The following ROBO2 variants were observed in gnomAD, a reference collection of about 807,000 sequenced individuals.
ROBO2 encodes the protein roundabout guidance receptor 2.
Under a neutral mutation model 160.8 loss-of-function variants are expected in ROBO2, and 53 were observed. That is an observed-to-expected ratio of 0.33 (90% CI 0.26 to 0.41). The LOEUF (loss-of-function observed/expected upper bound fraction) is 0.41. ROBO2 is among the 10% of genes least tolerant of loss of function. The pLI, the probability that ROBO2 is intolerant of heterozygous loss-of-function variation, is 1.00. For synonymous variants in ROBO2, 664 were observed against 611.7 expected (o/e 1.09, Z -1.26); for missense variants, 1,577 against 1,722.4 (o/e 0.92, Z 1.49).
intron 2 of ROBO2, among the ~76,000 whole-genome samples, chr3:77,441,015 G>C (rs1028651054): frequency 6.6e-6 from 1 of 151,838 alleles, no homozygotes; most frequent in African/African-American, 2.4e-5. Context: ...TATTCTTTCT[G>C]TCGAAGATTT....
chr3:76,978,458 A>T (rs1319625420), intron 2 of ROBO2, among the ~76,000 whole-genome samples: 1 of 152,156 alleles, frequency 6.6e-6, no homozygotes, highest in Non-Finnish European at 1.5e-5. Flanking sequence ...TTAGGAATAT[A>T]TTTGAGTGTC....
chr3:76,077,579 T>C (rs1336208729), intron 2 of ROBO2, among the ~76,000 whole-genome samples: 1 of 151,768 alleles, frequency 6.6e-6, no homozygotes, highest in African/African-American at 2.4e-5. Context: ...ATATTAACAA[T>C]AATAATAATA....
Position 76,256,076 on chromosome 3 carries a change from A to AT in ROBO2, c.109+318475dup, listed in dbSNP as rs1706342512. Among the ~76,000 whole-genome samples, 6 of 151,954 alleles carry AT rather than the reference A, an allele frequency of 3.9e-5. No individual in the cohort carries two copies. In the South Asian group the frequency reaches 1.2e-3, roughly 32 times the overall value. On this transcript the variant is annotated intron_variant, in intron 2 of 26. Transcript: ENST00000487694. The stretch of plus-strand genomic sequence containing the variant: ...CACTTTGAGGGATGAAGGTAGGAGG[A>AT]TCCCTTGAAGTCAGGAGTTCAAGAT...
chr3:76,011,183 C>G (rs1272913061), intron 2 of ROBO2, among the ~76,000 whole-genome samples: 2 of 152,102 alleles, frequency 1.3e-5, no homozygotes, highest in Non-Finnish European at 1.5e-5. Context: ...TGTGTGCCTT[C>G]TTAGAAGTTG....
chr3:77,577,583 A>G lies in ROBO2; in HGVS notation c.2297A>G (p.Asp766Gly), dbSNP rs1559650461. The G allele has an allele frequency of 3.7e-6, 6 of 1,613,274 alleles. No individual in the cohort carries two copies. The highest frequency in any genetic ancestry group is 1.7e-5 in the Admixed American group (1 of 59,900). ...GTTTCCTGGGATCCTCCTCCTCCAGATCACCAGAATGGAATTATCCAAGAA... is the reference window on the plus strand; with the variant it reads ...GTTTCCTGGGATCCTCCTCCTCCAGGTCACCAGAATGGAATTATCCAAGAA... The change falls in exon 15 of 26, where the codon GAT (aspartate) becomes GGT (glycine). Residue 766 changes from aspartate (D) to glycine (G), a missense_variant. Asp to Gly is a moderately conservative substitution (Grantham distance 94, BLOSUM62 -1). This residue lies in a region of ROBO2 where 940 missense variants were observed against 1,135.5 expected (regional missense o/e 0.83). Coordinates refer to ENST00000461745, the Ensembl canonical transcript of ROBO2.
intron 2 of ROBO2, among the ~76,000 whole-genome samples, chr3:77,416,368 G>A (rs918343252): frequency 2.6e-5 from 4 of 152,148 alleles, no homozygotes; most frequent in African/African-American, 9.7e-5. Flanking sequence ...CAGGCTTTAA[G>A]CTGTCTTTGG....
intron 2 of ROBO2, among the ~76,000 whole-genome samples, chr3:76,620,877 C>T (rs1315886420): frequency 4.6e-5 from 7 of 152,096 alleles, no homozygotes; most frequent in East Asian, 1.9e-4. Context: ...CACGTGCTAC[C>T]GAGGCAACTG....
At chr3:75,973,283 C>G (rs1224150154) in intron 2 of ROBO2, among the ~76,000 whole-genome samples, 1 of 151,602 alleles carries the variant, frequency 6.6e-6, no homozygotes, top group Non-Finnish European at 1.5e-5. Flanking sequence ...ATCAAATGGA[C>G]AAATATTGTA....
At chr3:76,833,655 CTG>C (rs2067276829) in intron 2 of ROBO2, among the ~76,000 whole-genome samples, 1 of 152,158 alleles carries the variant, frequency 6.6e-6, no homozygotes, top group South Asian at 2.1e-4. Flanking sequence ...TGCCTAAATA[CTG>C]TGTCTCAAAC....
intron 21 of ROBO2, among the ~76,000 whole-genome samples, chr3:77,615,577 G>T (rs1367134282): frequency 1.3e-5 from 2 of 152,130 alleles, no homozygotes; most frequent in Non-Finnish European, 2.9e-5. Context: ...GTGTCAAGTA[G>T]TTGGAATCTT....
chr3:75,974,377 T>C (rs1483361344), intron 2 of ROBO2, among the ~76,000 whole-genome samples: 1 of 151,634 alleles, frequency 6.6e-6, no homozygotes, highest in East Asian at 2.0e-4. Flanking sequence ...GCTGTTGCAA[T>C]TATTATCAGC....
intron 2 of ROBO2, among the ~76,000 whole-genome samples, chr3:77,340,419 G>A (rs1240297594): frequency 6.6e-6 from 1 of 152,054 alleles, no homozygotes; most frequent in Non-Finnish European, 1.5e-5. Context: ...TTGGGCCTTT[G>A]TTTCTCAAAT....
In ROBO2 at chr3:76,208,311, T is replaced by C. The variant is rs559704460; in HGVS notation, c.109+270709T>C. On this transcript the variant is annotated intron_variant, in intron 2 of 26. Coordinates refer to the ROBO2 transcript ENST00000487694. ...TGCTCTCCTTGTAATGGAAATGCCC[T>C]GTTTGCCTTATGTTGACCTCAGAAT... 7.9e-5 allele frequency among the ~76,000 whole-genome samples: 12 copies of C among 152,346 alleles called. No homozygotes were observed. In the South Asian group the frequency reaches 2.5e-3, roughly 32 times the overall value.
At chr3:77,431,749 C>T (rs375924447) in intron 2 of ROBO2, among the ~76,000 whole-genome samples, 38 of 152,312 alleles carry the variant, frequency 2.5e-4, no homozygotes, top group African/African-American at 8.9e-4. Context: ...GACTGGTTGA[C>T]TTCAACCACT....
At chr3:76,657,678 A>ATGTT (rs1170068318) in intron 2 of ROBO2, among the ~76,000 whole-genome samples, 2 of 43,516 alleles carry the variant, frequency 4.6e-5, no homozygotes, top group African/African-American at 3.4e-4. Flanking sequence ...GTATATATAT[A>ATGTT]CATATATGTG....
At chr3:76,587,531 C>T (rs2086125917) in intron 2 of ROBO2, among the ~76,000 whole-genome samples, 1 of 152,070 alleles carries the variant, frequency 6.6e-6, no homozygotes. Flanking sequence ...GGGGAAGTCC[C>T]TTATAAAACA....
intron 2 of ROBO2, among the ~76,000 whole-genome samples, chr3:77,380,122 A>C (rs2073246276): frequency 6.6e-6 from 1 of 152,246 alleles, no homozygotes; most frequent in East Asian, 1.9e-4. Context: ...TTAATGTGTG[A>C]AACAAGGAAC....
At chr3:75,979,408 A>G (rs2065218138) in intron 2 of ROBO2, among the ~76,000 whole-genome samples, 1 of 151,572 alleles carries the variant, frequency 6.6e-6, no homozygotes, top group Non-Finnish European at 1.5e-5. Context: ...TTTCTTGAGT[A>G]GGCAGGAGAG....
At chr3:76,150,339 T>C (rs1201603637) in intron 2 of ROBO2, among the ~76,000 whole-genome samples, 1 of 149,144 alleles carries the variant, frequency 6.7e-6, no homozygotes, top group African/African-American at 2.5e-5. Context: ...CACATATCTG[T>C]CTAAAGCACA....
Sources: gnomAD v4.1 joint callset for allele counts (sites outside exome capture counted in the v4.1 genomes callset) on GRCh38, gnomAD v4.1.1 for gene constraint, gnomAD v4.1.1 regional missense constraint, MANE v1.5 for transcripts, NCBI Gene and HGNC (gene_info 2026-07-23, HGNC 2026-07-21) for gene names.